Variants in FNTB observed in about 807,000 individuals in gnomAD.
The protein encoded by FNTB is farnesyltransferase, CAAX box, subunit beta, also known as protein farnesyltransferase subunit beta.
In FNTB, 27 loss-of-function variants were observed where a neutral mutation model predicts 59.4. That is an observed-to-expected ratio of 0.45 (90% CI 0.34 to 0.63). The LOEUF (loss-of-function observed/expected upper bound fraction) is 0.63. Among genes scored for constraint, FNTB ranks in the 20% least tolerant of loss-of-function variants. FNTB has a pLI of 0.02. For missense variants in FNTB, 449 were observed against 559.6 expected, an observed-to-expected ratio of 0.80 and a Z score of 1.99; for synonymous variants, 230 against 220.7, an observed-to-expected ratio of 1.04 and a Z score of -0.37.
At chr14:65,003,882 T>G (rs1457077372) in intron 1 of FNTB, 1 of 156,314 alleles carries the variant, frequency 6.4e-6, no homozygotes, top group Non-Finnish European at 1.4e-5. Context: ...TTTCTCAAAA[T>G]AATCCTTATG....
chr14:65,041,710 C>T (rs537715434), intron 8 of FNTB, among the ~76,000 whole-genome samples: 1 of 152,286 alleles, frequency 6.6e-6, no homozygotes, highest in Admixed American at 6.5e-5. Flanking sequence ...GTCTTGCCTC[C>T]ACCTTCAGAA....
At chr14:65,057,612 G>A (rs2062766174) in intron 11 of FNTB, among the ~76,000 whole-genome samples, 1 of 152,168 alleles carries the variant, frequency 6.6e-6, no homozygotes, top group South Asian at 2.1e-4. Context: ...AAATTGTGAT[G>A]CGTGCTATGA....
intron 8 of FNTB, 34 bp downstream of exon 8, chr14:65,040,953 C>G: frequency 6.2e-7 from 1 of 1,607,424 alleles, no homozygotes; most frequent in Non-Finnish European, 8.5e-7. Context: ...CCTCTCAGGC[C>G]CCAGGTCATG....
At chr14:65,010,254 A>G (rs2061662540) in intron 2 of FNTB, among the ~76,000 whole-genome samples, 1 of 151,960 alleles carries the variant, frequency 6.6e-6, no homozygotes, top group South Asian at 2.1e-4. Flanking sequence ...GCTCCTCCAA[A>G]CCCTTAGAGA....
At chr14:65,033,345 C>T (rs1036695289) in intron 7 of FNTB, among the ~76,000 whole-genome samples, 1 of 152,134 alleles carries the variant, frequency 6.6e-6, no homozygotes, top group Non-Finnish European at 1.5e-5. Context: ...AATATAAAAA[C>T]ATGTATACGA....
rs2061735211 is a variant in FNTB, at chr14:65,014,466, G to A, written c.283-1159G>A. Among the ~76,000 whole-genome samples the A allele has an allele frequency of 6.6e-6, 1 of 152,126 alleles. No homozygotes were observed. Among genetic ancestry groups the A allele is most frequent in the Non-Finnish European group, 1.5e-5 (1 of 68,038 alleles). ...ATGAGGTAACTTATATGTCTGTCCA[G>A]TGCTCTCTTCCCCTACAGGTAACCA... On this transcript the variant is annotated intron_variant, in intron 3 of 11. Transcript: ENST00000246166. This position sits in a 1 kb window ranked among gnomAD's most constrained non-coding sequence, Gnocchi z 5.1.
At chr14:65,026,784 C>T (rs962474806) in intron 4 of FNTB, among the ~76,000 whole-genome samples, 10 of 152,044 alleles carry the variant, frequency 6.6e-5, no homozygotes, top group African/African-American at 2.2e-4. Context: ...ATCTCTTGAA[C>T]CTGGGAGACG....
At chr14:65,000,815 CAAAAAAAAAAAAAAAA>C (rs59420832) in intron 1 of FNTB, among the ~76,000 whole-genome samples, 1 of 36,460 alleles carries the variant, frequency 2.7e-5, no homozygotes, top group Non-Finnish European at 6.1e-5. Context: ...GACTCCGTCT[CAAAAAAAAAAAAAAAA>C]AAAAAAAAAA....
intron 4 of FNTB, chr14:65,016,600 T>C (rs1375262495): frequency 1.3e-5 from 2 of 152,256 alleles, no homozygotes; most frequent in Non-Finnish European, 2.9e-5. Flanking sequence ...CCCTCTCTGG[T>C]CACAGAGCCC....
chr14:65,015,505 G>T, intron 3 of FNTB, 120 bp from the exon 4 acceptor site: 18 of 641,188 alleles, frequency 2.8e-5, no homozygotes, highest in East Asian at 1.4e-4. Context: ...ATTGTTGTTT[G>T]AGCAAGGGTG....
At chr14:65,005,841 C>G (rs2061578871) in intron 2 of FNTB, among the ~76,000 whole-genome samples, 1 of 152,164 alleles carries the variant, frequency 6.6e-6, no homozygotes, top group African/African-American at 2.4e-5. Context: ...GGGGGTCTCA[C>G]TGTGTTGCTC....
In FNTB at chr14:65,032,566, C is replaced by T. The variant is rs905926206; in HGVS notation, c.606-44C>T. ...CGCGGAGTTCACTGAGCCTCATTAG[C>T]TCTTCCGTAGAGCTTAATGTGTTTC... On this transcript the variant is annotated intron_variant, in intron 6 of 11. Coordinates refer to ENST00000246166, the MANE Select transcript of FNTB (RefSeq NM_002028.4). The surrounding 1 kb of genome is among the most constrained non-coding windows in gnomAD (Gnocchi z 5.0). 5 of 1,604,466 alleles carry T rather than the reference C, an allele frequency of 3.1e-6. No individual in the cohort carries two copies. The highest frequency in any genetic ancestry group is 4.2e-6 in the Non-Finnish European group (5 of 1,176,928).
At chr14:65,034,378 G>C (rs1173406328) in intron 7 of FNTB, among the ~76,000 whole-genome samples, 2 of 152,160 alleles carry the variant, frequency 1.3e-5, no homozygotes, top group Non-Finnish European at 2.9e-5. Context: ...CCCAAAAAAG[G>C]GTACCTGGGA....
At chr14:65,060,565 G>A (rs572862390) in intron 11 of FNTB, among the ~76,000 whole-genome samples, 1,385 of 126,406 alleles carry the variant, frequency 0.011, 127 homozygotes, top group Non-Finnish European at 0.015. Flanking sequence ...GCGTAGTGGC[G>A]GGCGCCTGTA....
chr14:64,991,345 T>A lies in FNTB; in HGVS notation c.144+4248T>A, dbSNP rs777930833. On this transcript the variant is annotated intron_variant, in intron 1 of 11. Transcript: ENST00000246166. This position sits in a 1 kb window ranked among gnomAD's most constrained non-coding sequence, Gnocchi z 4.4. ...GGCCGAGTGCGGTGGCTCACTCCTG[T>A]AATCCCAGCACTTTGGGAGGCTGAG... Among the ~76,000 whole-genome samples the A allele has an allele frequency of 7.2e-5, 11 of 152,172 alleles. No homozygotes were observed. The highest frequency in any genetic ancestry group is 8.8e-5 in the Non-Finnish European group (6 of 68,038).
rs1297371926 is a variant in FNTB at position 65,007,331 on chromosome 14, T to C, written c.209+3018T>C. Among the ~76,000 whole-genome samples, 1 of 152,242 alleles carries C rather than the reference T, an allele frequency of 6.6e-6. No individual in the cohort carries two copies. The highest frequency in any genetic ancestry group is 1.5e-5 in the Non-Finnish European group (1 of 68,040). The stretch of plus-strand genomic sequence containing the variant: ...CTGTTAGCTGAAGTGCATGGTTAGC[T>C]GTTAGCAGTAAATCTAGATGGCAGG... On this transcript the variant is annotated intron_variant, in intron 2 of 11. Transcript: ENST00000246166. This position sits in a 1 kb window ranked among gnomAD's most constrained non-coding sequence, Gnocchi z 4.9.
Position 65,054,434 on chromosome 14 carries a change from G to A in FNTB, c.1068-141G>A. ...CAGTGGGGCTTTAAATAACACTGCTGGGAAAACCATGCCTCCTCTAGCCAC... is the reference window on the plus strand; with the variant it reads ...CAGTGGGGCTTTAAATAACACTGCTAGGAAAACCATGCCTCCTCTAGCCAC... On this transcript the variant is annotated intron_variant, in intron 10 of 11. Transcript: ENST00000246166. This position sits in a 1 kb window ranked among gnomAD's most constrained non-coding sequence, Gnocchi z 4.4. 2.5e-6 allele frequency: 2 copies of A among 810,556 alleles called. No homozygotes were observed. The highest frequency in any genetic ancestry group is 3.9e-6 in the Non-Finnish European group (2 of 514,896). The allele number at this position is 810,556 out of a possible 1,614,324, so 50.2% of individuals were successfully genotyped here. A position where few individuals can be genotyped will look rare whatever the true frequency, so the allele number is the denominator to read the frequency against.
chr14:64,993,847 T>C (rs2140038225), intron 1 of FNTB, among the ~76,000 whole-genome samples: 1 of 152,162 alleles, frequency 6.6e-6, no homozygotes, highest in South Asian at 2.1e-4. Flanking sequence ...TCTTTTTTTT[T>C]TTCTTTTTTT....
Position 65,001,076 on chromosome 14 carries a change from C to T in FNTB, c.145-3173C>T, listed in dbSNP as rs1888583906. On this transcript the variant is annotated intron_variant, in intron 1 of 11. Transcript: ENST00000246166. This position sits in a 1 kb window ranked among gnomAD's most constrained non-coding sequence, Gnocchi z 5.5. Reference sequence around the variant, plus strand: ...GCATAAATGAAGTCCTATACTTGGTCTCTCTGGGCCTGATAAATTTTGCAT... The same window carrying T: ...GCATAAATGAAGTCCTATACTTGGTTTCTCTGGGCCTGATAAATTTTGCAT... Among the ~76,000 whole-genome samples the T allele has an allele frequency of 6.6e-6, 1 of 152,050 alleles. No homozygotes were observed. The highest frequency in any genetic ancestry group is 1.5e-5 in the Non-Finnish European group (1 of 68,016).
Sources: gnomAD v4.1 joint callset for allele counts (sites outside exome capture counted in the v4.1 genomes callset) on GRCh38, gnomAD v4.1.1 for gene constraint, Gnocchi (gnomAD v3.1) non-coding constraint, MANE v1.5 for transcripts, NCBI Gene and HGNC (gene_info 2026-07-23, HGNC 2026-07-21) for gene names.